Variants in LIPC observed in about 807,000 individuals in gnomAD.
LIPC encodes the protein lipase C, hepatic type, also known as hepatic triacylglycerol lipase.
Under a neutral mutation model 50.7 loss-of-function variants are expected in LIPC, and 44 were observed. The observed-to-expected ratio is 0.87, with a 90% confidence interval of 0.68 to 1.11. LIPC has a LOEUF of 1.11. Ranked by LOEUF, LIPC falls within the 50% of genes most tolerant of loss-of-function variation. The probability of loss-of-function intolerance (pLI) is 0.00; values close to 1 mark genes in which losing one functional copy is unlikely to be tolerated. For synonymous variants in LIPC, 271 were observed against 256.4 expected, an observed-to-expected ratio of 1.06 and a Z score of -0.54; for missense variants, 697 against 648.2, an observed-to-expected ratio of 1.08 and a Z score of -0.82.
At chr15:58,530,420 T>A (rs1209724937) in intron 1 of LIPC, among the ~76,000 whole-genome samples, 3 of 152,246 alleles carry the variant, frequency 2.0e-5, no homozygotes, top group Non-Finnish European at 4.4e-5. Flanking sequence ...CTCTCAGGCC[T>A]GCAAACCAGG....
intron 1 of LIPC, among the ~76,000 whole-genome samples, chr15:58,471,078 C>T (rs1288946397): frequency 2.0e-5 from 3 of 151,030 alleles, no homozygotes. Context: ...CAGGACATAC[C>T]CAATGACCTA....
At chr15:58,446,137 A>C (rs1438336536) in intron 1 of LIPC, among the ~76,000 whole-genome samples, 1 of 152,252 alleles carries the variant, frequency 6.6e-6, no homozygotes, top group Non-Finnish European at 1.5e-5. Flanking sequence ...AAAGACACAC[A>C]CATACATATC....
chr15:58,442,617 C>A (rs1210550553), intron 1 of LIPC, among the ~76,000 whole-genome samples: 1 of 152,194 alleles, frequency 6.6e-6, no homozygotes, highest in Admixed American at 6.5e-5. Context: ...GTGCCAAGTT[C>A]TTTGCCTATT....
chr15:58,474,990 A>G (rs1890942745), intron 1 of LIPC, among the ~76,000 whole-genome samples: 1 of 152,180 alleles, frequency 6.6e-6, no homozygotes, highest in Admixed American at 6.5e-5. Flanking sequence ...CTATTTTCTA[A>G]GGAAACCAAT....
At chr15:58,471,328 T>TGAGGG (rs1555399294) in intron 1 of LIPC, among the ~76,000 whole-genome samples, 6 of 114,182 alleles carry the variant, frequency 5.3e-5, no homozygotes, top group Admixed American at 9.0e-5. Flanking sequence ...TTAGTAGAGA[T>TGAGGG]GGGGGGGGGT....
chr15:58,556,441 T>C (rs1279687460), intron 6 of LIPC, among the ~76,000 whole-genome samples: 1 of 152,184 alleles, frequency 6.6e-6, no homozygotes, highest in Non-Finnish European at 1.5e-5. Flanking sequence ...CTTTTTCCAA[T>C]AGGATTCCAA....
intron 1 of LIPC, among the ~76,000 whole-genome samples, chr15:58,524,319 C>T (rs1892740033): frequency 6.6e-6 from 1 of 152,142 alleles, no homozygotes; most frequent in Non-Finnish European, 1.5e-5. Context: ...GGGATATGTC[C>T]CCGTTCAGTT....
chr15:58,455,831 G>GTA (rs1246938161), intron 1 of LIPC, among the ~76,000 whole-genome samples: 27 of 152,018 alleles, frequency 1.8e-4, no homozygotes, highest in African/African-American at 5.6e-4. Context: ...ATGTATGCGT[G>GTA]TATATATATA....
intron 1 of LIPC, among the ~76,000 whole-genome samples, chr15:58,479,906 T>G (rs1310462159): frequency 6.6e-6 from 1 of 152,196 alleles, no homozygotes; most frequent in African/African-American, 2.4e-5. Context: ...TTAGGCTCCG[T>G]GGGCCTCAGT....
At chr15:58,457,103 A>C (rs1431515585) in intron 1 of LIPC, among the ~76,000 whole-genome samples, 1 of 152,116 alleles carries the variant, frequency 6.6e-6, no homozygotes, top group East Asian at 1.9e-4. Context: ...TGGCTTCGAA[A>C]ACATGATTTT....
At chr15:58,517,028 G>C (rs1892506994) in intron 1 of LIPC, among the ~76,000 whole-genome samples, 1 of 152,192 alleles carries the variant, frequency 6.6e-6, no homozygotes, top group Non-Finnish European at 1.5e-5. Flanking sequence ...TTAAAACTTT[G>C]TTAGATGGGA....
rs1297380419 is a variant in LIPC, at chr15:58,459,830, GC to G, written c.88+27713del. On this transcript the variant is annotated intron_variant, in intron 1 of 8. Transcript: ENST00000299022. ...AGGACAGAGGTATCTGAGGGATTCAGCCCTGGGCACTCCTCTCAGCTTCCTC... is the reference window on the plus strand; with the variant it reads ...AGGACAGAGGTATCTGAGGGATTCAGCCTGGGCACTCCTCTCAGCTTCCTC... Among the ~76,000 whole-genome samples the G allele has an allele frequency of 3.3e-5, 5 of 152,374 alleles. No individual in the cohort carries two copies. The East Asian group carries it at 9.6e-4, about 29-fold the overall frequency.
chr15:58,541,790 C>T lies in LIPC; in HGVS notation c.279C>T (p.Asp93=), dbSNP rs772456309. 31 of 1,613,146 alleles carry T rather than the reference C, an allele frequency of 1.9e-5. No individual in the cohort carries two copies. Among genetic ancestry groups the T allele is most frequent in the Admixed American group, 5.0e-5 (3 of 59,920 alleles). Reference sequence around the variant, plus strand: ...TCCCTCTGTCCCCTCCTCAGGTGGACGGCGTGCTAGAAAACTGGATCTGGC... The same window carrying T: ...TCCCTCTGTCCCCTCCTCAGGTGGATGGCGTGCTAGAAAACTGGATCTGGC... The part of the protein sequence containing the change: ...LVMIIHGWSV[D]GVLENWIWQM... The change falls in exon 3 of 9, where the codon GAC becomes GAT. Residue 93 remains aspartate (D), a synonymous_variant. Transcript: ENST00000299022.
chr15:58,540,728 G>A (rs1032562239), intron 2 of LIPC, among the ~76,000 whole-genome samples: 5 of 152,098 alleles, frequency 3.3e-5, no homozygotes, highest in South Asian at 2.1e-4. Context: ...GACTCTGCAC[G>A]CACTGTTCCT....
In LIPC at chr15:58,543,900, C is replaced by T. The variant is rs192219912; in HGVS notation, c.574+1249C>T. Among the ~76,000 whole-genome samples, 7 of 152,244 alleles carry T rather than the reference C, an allele frequency of 4.6e-5. No homozygotes were observed. In the East Asian group the frequency reaches 5.8e-4, roughly 13 times the overall value. On this transcript the variant is annotated intron_variant, in intron 4 of 8. Coordinates refer to ENST00000299022, the MANE Select transcript of LIPC (RefSeq NM_000236.3). The stretch of plus-strand genomic sequence containing the variant: ...CCTCCCAAAGTGCTGGGATTACAGA[C>T]GTGAGCCACCACGGCCGGCCATGAG...
intron 1 of LIPC, among the ~76,000 whole-genome samples, chr15:58,443,001 T>C (rs1893557883): frequency 6.6e-6 from 1 of 152,194 alleles, no homozygotes; most frequent in African/African-American, 2.4e-5. Flanking sequence ...CAATCCCCGC[T>C]TGCAGGGTTC....
At chr15:58,557,670 C>T (rs943983081) in intron 6 of LIPC, among the ~76,000 whole-genome samples, 2 of 152,162 alleles carry the variant, frequency 1.3e-5, no homozygotes. Flanking sequence ...CAGGCGTGAG[C>T]CACCGCGCCC....
chr15:58,539,801 T>G (rs1482864943), intron 2 of LIPC, among the ~76,000 whole-genome samples: 1 of 152,166 alleles, frequency 6.6e-6, no homozygotes, highest in Non-Finnish European at 1.5e-5. Context: ...TGGTCTTGGC[T>G]TAGTCTGTGC....
rs115450770 is a variant in LIPC at position 58,463,351 on chromosome 15, T to C, written c.88+31231T>C. On this transcript the variant is annotated intron_variant, in intron 1 of 8. Transcript: ENST00000299022. ...CTGGGGCCTCGGGAAAAGGGCTTGA[T>C]CCCTCAGAACATCTGCAGGAGTCTG... Among the ~76,000 whole-genome samples the C allele has an allele frequency of 4.9e-3, 742 of 152,292 alleles. 7 individuals carry two copies. Among genetic ancestry groups the C allele is most frequent in the African/African-American group, 0.017 (711 of 41,552 alleles).
Sources: gnomAD v4.1 joint callset for allele counts (sites outside exome capture counted in the v4.1 genomes callset) on GRCh38, gnomAD v4.1.1 for gene constraint, MANE v1.5 for transcripts, NCBI Gene and HGNC (gene_info 2026-07-23, HGNC 2026-07-21) for gene names.